Variants in SORBS2 observed in about 807,000 individuals in gnomAD.
SORBS2 encodes the protein sorbin and SH3 domain-containing protein 2.
In SORBS2, 46 loss-of-function variants were observed where a neutral mutation model predicts 97.7. That is an observed-to-expected ratio of 0.47 (90% confidence interval 0.37 to 0.60). SORBS2 has a LOEUF of 0.60. Among genes scored for constraint, SORBS2 ranks in the 20% least tolerant of loss-of-function variants. The pLI is 0.00. For missense variants in SORBS2, 1,316 were observed against 1,282.3 expected (o/e 1.03, Z -0.40); for synonymous variants, 476 against 473.4 (o/e 1.01, Z -0.07).
intron 1 of SORBS2, among the ~76,000 whole-genome samples, chr4:185,875,644 A>G (rs978276059): frequency 6.6e-6 from 1 of 152,238 alleles, no homozygotes; most frequent in African/African-American, 2.4e-5. Context: ...AATAAATATG[A>G]AAGTCTCCCT....
intron 1 of SORBS2, among the ~76,000 whole-genome samples, chr4:185,921,603 C>T (rs953145716): frequency 6.6e-6 from 1 of 152,126 alleles, no homozygotes; most frequent in African/African-American, 2.4e-5. Context: ...AAGACCCTGT[C>T]TCTGAAAAAA....
chr4:185,947,875 T>G (rs1207943656), intron 1 of SORBS2, among the ~76,000 whole-genome samples: 1 of 152,200 alleles, frequency 6.6e-6, no homozygotes, highest in Non-Finnish European at 1.5e-5. Context: ...CCTCTCAAAG[T>G]GCTGGGATTA....
intron 4 of SORBS2, 138 bp downstream of exon 16, chr4:185,635,217 C>A: frequency 1.6e-6 from 1 of 643,660 alleles, no homozygotes; most frequent in Non-Finnish European, 2.7e-6. Context: ...ATACTGGATG[C>A]AACATAATGA....
intron 2 of SORBS2, among the ~76,000 whole-genome samples, chr4:185,697,054 G>C (rs2098185908): frequency 6.6e-6 from 1 of 152,092 alleles, no homozygotes; most frequent in Non-Finnish European, 1.5e-5. Context: ...TGGAAGAATG[G>C]GTCAAGAAAT....
At chr4:185,886,778 G>C (rs1364872722) in intron 1 of SORBS2, among the ~76,000 whole-genome samples, 1 of 152,118 alleles carries the variant, frequency 6.6e-6, no homozygotes, top group Admixed American at 6.5e-5. Flanking sequence ...GATGACAGAA[G>C]AGGTCTGATC....
chr4:185,699,901 C>T (rs980371560), intron 2 of SORBS2, among the ~76,000 whole-genome samples: 4 of 152,112 alleles, frequency 2.6e-5, no homozygotes, highest in Non-Finnish European at 4.4e-5. Context: ...TTACATTTCT[C>T]TATGTACTAA....
intron 1 of SORBS2, among the ~76,000 whole-genome samples, chr4:185,786,477 G>GAT (rs1359945787): frequency 6.6e-6 from 1 of 152,168 alleles, no homozygotes; most frequent in Non-Finnish European, 1.5e-5. Flanking sequence ...ACTTAACATT[G>GAT]ATTGACTATG....
chr4:185,662,010 C>T (rs548931199), intron 5 of SORBS2, 94 bp downstream of exon 8: 7 of 1,419,010 alleles, frequency 4.9e-6, no homozygotes, highest in Non-Finnish European at 6.8e-6. Flanking sequence ...GTGCTGAGCG[C>T]TCCCGCCTCA....
intron 2 of SORBS2, among the ~76,000 whole-genome samples, chr4:185,733,512 A>T (rs1157908435): frequency 6.6e-6 from 1 of 152,176 alleles, no homozygotes; most frequent in Non-Finnish European, 1.5e-5. Flanking sequence ...GAAACTGCAC[A>T]TTGGTGGGCT....
At chr4:185,858,790 A>G (rs2149705422) in intron 1 of SORBS2, among the ~76,000 whole-genome samples, 1 of 152,362 alleles carries the variant, frequency 6.6e-6, no homozygotes, top group African/African-American at 2.4e-5. Flanking sequence ...GAGAAAATCT[A>G]AAAGGTATGG....
intron 2 of SORBS2, chr4:185,771,230 A>T (rs2098969294): frequency 6.6e-6 from 1 of 150,576 alleles, no homozygotes; most frequent in African/African-American, 2.4e-5. Flanking sequence ...ATCTCAAGTG[A>T]TCCACCTGCC....
intron 4 of SORBS2, among the ~76,000 whole-genome samples, chr4:185,665,381 G>A (rs947168057): frequency 6.6e-6 from 1 of 152,180 alleles, no homozygotes; most frequent in Non-Finnish European, 1.5e-5. Flanking sequence ...TATTAATACT[G>A]GGTTAAAATT....
intron 2 of SORBS2, among the ~76,000 whole-genome samples, chr4:185,763,421 C>A (rs1482441948): frequency 6.6e-6 from 1 of 152,160 alleles, no homozygotes; most frequent in Admixed American, 6.5e-5. Context: ...CCTGCCCTGG[C>A]CCAAGCCCCC....
At chr4:185,659,515 C>T (rs570902258), upstream of SORBS2, among the ~76,000 whole-genome samples, 8 of 152,098 alleles carry the variant, frequency 5.3e-5, no homozygotes, top group East Asian at 1.6e-3. Flanking sequence ...CTCCTGGGTT[C>T]ACGCCGTTCT....
intron 1 of SORBS2, among the ~76,000 whole-genome samples, chr4:185,819,397 T>C (rs919044293): frequency 1.3e-5 from 2 of 152,166 alleles, no homozygotes; most frequent in Non-Finnish European, 2.9e-5. Flanking sequence ...TCCGCTTGAG[T>C]TGGCCTCTTT....
chr4:185,599,420 T>C (rs1207692519), intron 12 of SORBS2, among the ~76,000 whole-genome samples: 2 of 152,150 alleles, frequency 1.3e-5, no homozygotes, highest in Non-Finnish European at 2.9e-5. Context: ...ATTTGACCTT[T>C]AAGTTCAATC....
intron 1 of SORBS2, among the ~76,000 whole-genome samples, chr4:185,940,700 C>G (rs1454646224): frequency 6.6e-6 from 1 of 152,210 alleles, no homozygotes; most frequent in Non-Finnish European, 1.5e-5. Flanking sequence ...CCAACTTGTT[C>G]CAGCCTAGGT....
intron 1 of SORBS2, among the ~76,000 whole-genome samples, chr4:185,839,786 T>A (rs1254529227): frequency 2.6e-5 from 4 of 152,124 alleles, no homozygotes; most frequent in African/African-American, 9.7e-5. Context: ...CTGGGTGAGG[T>A]GGAACAAGAA....
At chr4:185,593,771 C>G in intron 13 of SORBS2, 115 bp downstream of exon 25, 1 of 705,148 alleles carries the variant, frequency 1.4e-6, no homozygotes, top group South Asian at 1.7e-5. Context: ...ATTTAAGAGG[C>G]CTCATGTTAG....
Sources: allele counts gnomAD v4.1 joint callset (sites outside exome capture counted in the v4.1 genomes callset), GRCh38; gene constraint gnomAD v4.1.1; transcripts MANE v1.5; gene names NCBI Gene and HGNC (gene_info 2026-07-23, HGNC 2026-07-21).